MTO1: variants seen among roughly 807,000 people sequenced by gnomAD.
MTO1 encodes mitochondrial tRNA translation optimization 1, also known as 5-taurinomethyluridine-[tRNA] synthase subunit MTO1, mitochondrial.
A neutral mutation model predicts 71.6 loss-of-function variants in MTO1; 46 were observed. The ratio of observed to expected loss-of-function variants is 0.64; its 90% confidence interval spans 0.51 to 0.82. MTO1 has a LOEUF of 0.82. Ranked by LOEUF, MTO1 falls within the 40% of genes least tolerant of loss-of-function variation. The pLI, the probability that MTO1 is intolerant of heterozygous loss-of-function variation, is 0.00. For synonymous variants in MTO1, 297 were observed against 312.1 expected (o/e 0.95, Z 0.51); for missense variants, 773 against 867.5 (o/e 0.89, Z 1.37).
chr6:73,496,462 A>G (rs1771979099), intron 10 of MTO1, among the ~76,000 whole-genome samples: 1 of 149,798 alleles, frequency 6.7e-6, no homozygotes, highest in Non-Finnish European at 1.5e-5. Context: ...TTAAAAAACC[A>G]TTTTCTTTTT....
intron 4 of MTO1, among the ~76,000 whole-genome samples, chr6:73,478,079 T>A (rs2150034550): frequency 6.6e-6 from 1 of 151,440 alleles, no homozygotes; most frequent in East Asian, 2.0e-4. Context: ...TGAAACCCCG[T>A]CTCTACTAAA....
intron 9 of MTO1, among the ~76,000 whole-genome samples, chr6:73,485,461 C>T (rs1335455088): frequency 1.4e-5 from 2 of 145,118 alleles, no homozygotes; most frequent in Non-Finnish European, 3.0e-5. Context: ...TTTTTTGAGA[C>T]GGAGTCTCAC....
At chr6:73,497,041 A>T (rs1041848963) in intron 10 of MTO1, among the ~76,000 whole-genome samples, 2 of 151,828 alleles carry the variant, frequency 1.3e-5, no homozygotes, top group African/African-American at 4.8e-5. Flanking sequence ...GCAACAAGCA[A>T]GACTCTGTCT....
chr6:73,494,214 G>A (rs184260210), intron 10 of MTO1, among the ~76,000 whole-genome samples: 24 of 152,012 alleles, frequency 1.6e-4, no homozygotes, highest in Admixed American at 4.6e-4. Flanking sequence ...CAGCCTGAGC[G>A]ACAAGAGCGA....
chr6:73,509,111 G>A lies in MTO1; in HGVS notation c.*8376G>A, dbSNP rs980739312. The A allele has an allele frequency of 2.6e-5, 4 of 152,144 alleles. No homozygotes were observed. The highest frequency in any genetic ancestry group is 5.9e-5 in the Non-Finnish European group (4 of 68,044). 9.4% of individuals were successfully genotyped at this position (152,144 alleles called of 1,614,324 possible). ...ATTCCCTCAATCACATGATTGTACT[G>A]AAAATATAACCAAGTTTTATTTATG... On this transcript the variant is annotated 3_prime_UTR_variant, in exon 12 of 12. Transcript: ENST00000498286.
chr6:73,492,562 C>A (rs912092869), intron 10 of MTO1: 23 of 408,426 alleles, frequency 5.6e-5, no homozygotes, highest in Middle Eastern at 7.6e-4. Context: ...ATAATCCCAG[C>A]ACTTTGGGAG....
At position 73,502,588 on chromosome 6, in the gene MTO1, C is replaced by T. The variant is rs892364760; in HGVS notation, c.*1853C>T. 6.6e-6 allele frequency: 1 copy of T among 150,572 alleles called. No homozygotes were observed. Among genetic ancestry groups the T allele is most frequent in the Admixed American group, 6.6e-5 (1 of 15,172 alleles). The allele number at this position is 150,572 out of a possible 1,614,324, so 9.3% of individuals were successfully genotyped here. ...GGAGTGCCTTTTGAATAGAATATAA[C>T]AAAAATTTATCTTAAAGAAACGGGA... is the stretch of plus-strand genomic sequence containing the variant. On this transcript the variant is annotated 3_prime_UTR_variant, in exon 12 of 12. Transcript: ENST00000498286.
chr6:73,466,907 T>TCTGA, intron 3 of MTO1, among the ~76,000 whole-genome samples: 1 of 152,200 alleles, frequency 6.6e-6, no homozygotes, highest in Admixed American at 6.6e-5. Context: ...TTTTTCTGGT[T>TCTGA]CTGACTTTAA....
intron 3 of MTO1, among the ~76,000 whole-genome samples, chr6:73,468,319 A>G (rs1389984908): frequency 1.3e-5 from 2 of 152,002 alleles, no homozygotes; most frequent in Non-Finnish European, 2.9e-5. Flanking sequence ...GGGTTTCACC[A>G]TGTTGGTCAG....
At chr6:73,495,124 T>C (rs1301087374) in intron 10 of MTO1, among the ~76,000 whole-genome samples, 1 of 152,056 alleles carries the variant, frequency 6.6e-6, no homozygotes, top group Non-Finnish European at 1.5e-5. Context: ...CACCTTGCAA[T>C]GCTTTGGATG....
chr6:73,462,762 CT>C (rs1333390644), intron 1 of MTO1, among the ~76,000 whole-genome samples: 5 of 151,994 alleles, frequency 3.3e-5, no homozygotes, highest in Non-Finnish European at 7.4e-5. Flanking sequence ...TAAAAAAATC[CT>C]TTATTAAACG....
At chr6:73,499,740 T>C (rs4708059) in intron 11 of MTO1, among the ~76,000 whole-genome samples, 31,179 of 152,000 alleles carry the variant, frequency 0.21, 3,328 homozygotes, top group African/African-American at 0.27. Flanking sequence ...CCCACAATTC[T>C]ATAATACAAA....
intron 7 of MTO1, 163 bp downstream of exon 7, chr6:73,480,968 GGTT>G (rs1404277202): frequency 1.6e-5 from 7 of 436,702 alleles, no homozygotes; most frequent in Admixed American, 9.9e-5. Context: ...TAGATAATAG[GGTT>G]TTTTTTTTTT....
intron 9 of MTO1, among the ~76,000 whole-genome samples, chr6:73,488,343 T>A (rs1488640650): frequency 1.3e-5 from 2 of 152,076 alleles, no homozygotes; most frequent in Admixed American, 1.3e-4. Context: ...CCAGCTAGAT[T>A]TTTATTTCTT....
At chr6:73,485,910 G>A (rs1347723761) in intron 9 of MTO1, among the ~76,000 whole-genome samples, 4 of 152,210 alleles carry the variant, frequency 2.6e-5, no homozygotes, top group Admixed American at 6.6e-5. Context: ...ATACACAAAT[G>A]CATGTACATG....
rs6917928 is a variant in MTO1, at chr6:73,500,346, A to G, written c.1918-228A>G. ...TCTATTAGTTATGTAATCTTGCACA[A>G]GCTATTTTAACATTTCTGTGCCTCA... On this transcript the variant is annotated intron_variant, in intron 11 of 11. Coordinates refer to ENST00000498286, the MANE Select transcript of MTO1 (RefSeq NM_012123.4). Among the ~76,000 whole-genome samples, 10,158 of 152,302 alleles carry G rather than the reference A, an allele frequency of 0.067. 463 individuals carry two copies. Among genetic ancestry groups the G allele is most frequent in the East Asian group, 0.19 (982 of 5,186 alleles).
chr6:73,479,055 A>C (rs1377025174), intron 4 of MTO1, among the ~76,000 whole-genome samples: 1 of 148,100 alleles, frequency 6.8e-6, no homozygotes, highest in Non-Finnish European at 1.5e-5. Context: ...TGCCCAGCTA[A>C]TTTTTGTCTT....
chr6:73,493,651 A>G (rs1018604876), intron 10 of MTO1, among the ~76,000 whole-genome samples: 2 of 151,750 alleles, frequency 1.3e-5, no homozygotes, highest in Non-Finnish European at 2.9e-5. Context: ...TTGGCCTCCC[A>G]AAGTGCTGGG....
chr6:73,491,028 C>G (rs987032284), intron 9 of MTO1, among the ~76,000 whole-genome samples: 1 of 152,196 alleles, frequency 6.6e-6, no homozygotes, highest in Admixed American at 6.5e-5. Flanking sequence ...GGAAATCTCA[C>G]TGGATCTATG....
Sources: allele counts gnomAD v4.1 joint callset (sites outside exome capture counted in the v4.1 genomes callset), GRCh38; gene constraint gnomAD v4.1.1; transcripts MANE v1.5; gene names NCBI Gene and HGNC (gene_info 2026-07-23, HGNC 2026-07-21).